Variants in ANKRD13A observed in about 807,000 individuals in gnomAD.
ANKRD13A encodes ankyrin repeat domain 13A, also known as ankyrin repeat domain-containing protein 13A.
Under a neutral mutation model 81.3 loss-of-function variants are expected in ANKRD13A, and 48 were observed. The observed-to-expected ratio is 0.59, with a 90% CI of 0.47 to 0.75. The LOEUF is 0.75. Ranked by LOEUF, ANKRD13A falls within the 30% of genes least tolerant of loss-of-function variation. The pLI is 0.00. For missense variants in ANKRD13A, 612 were observed against 734.0 expected, an observed-to-expected ratio of 0.83 and a Z score of 1.92; for synonymous variants, 230 against 270.1, an observed-to-expected ratio of 0.85 and a Z score of 1.45.
At position 110,033,859 on chromosome 12, in the gene ANKRD13A, G is replaced by C; in HGVS notation, c.1411G>C (p.Val471Leu). 6.2e-7 allele frequency: 1 copy of C among 1,613,214 alleles called. No individual in the cohort carries two copies. The part of the protein sequence containing the change: ...SVFEIPESYY[V>L]QDNGRNVHLQ... ...GTTTGAAATTCCCGAATCTTACTAT[G>C]TTCAAGACAATGGCAGAAATGTGCA... is the stretch of plus-strand genomic sequence containing the variant. Residue 471 changes from valine to leucine, a missense_variant, in exon 13 of 15, where the codon GTT (valine) becomes CTT (leucine). Coordinates refer to ENST00000261739, the MANE Select transcript of ANKRD13A (RefSeq NM_033121.2).
chr12:110,012,533 T>A (rs1890582120), intron 2 of ANKRD13A, among the ~76,000 whole-genome samples: 1 of 152,134 alleles, frequency 6.6e-6, no homozygotes, highest in Admixed American at 6.5e-5. Context: ...CCAGAAACCC[T>A]CGGTAGAGAA....
intron 1 of ANKRD13A, among the ~76,000 whole-genome samples, chr12:110,003,492 C>T (rs975691035): frequency 1.3e-5 from 2 of 152,204 alleles, no homozygotes; most frequent in African/African-American, 2.4e-5. Flanking sequence ...ACTGACTCAG[C>T]GTGGGGGCCA....
chr12:110,019,661 C>G (rs1890977436), intron 6 of ANKRD13A, among the ~76,000 whole-genome samples: 1 of 152,238 alleles, frequency 6.6e-6, no homozygotes, highest in African/African-American at 2.4e-5. Context: ...CCACAATACT[C>G]AGTCCCAGAC....
intron 1 of ANKRD13A, among the ~76,000 whole-genome samples, chr12:110,010,744 A>G (rs1338784057): frequency 6.6e-6 from 1 of 152,202 alleles, no homozygotes; most frequent in African/African-American, 2.4e-5. Context: ...TTCACTGTAT[A>G]ATAGCCATGA....
intron 7 of ANKRD13A, among the ~76,000 whole-genome samples, chr12:110,025,221 T>C (rs995171063): frequency 6.6e-6 from 1 of 152,156 alleles, no homozygotes; most frequent in Non-Finnish European, 1.5e-5. Flanking sequence ...CCAGTCATAG[T>C]AGCACATGCC....
upstream of ANKRD13A, chr12:109,999,223 A>T (rs1889805400): frequency 6.5e-6 from 1 of 153,396 alleles, no homozygotes. The surrounding 1 kb of genome is among the most constrained non-coding windows in gnomAD (Gnocchi z 4.3). Flanking sequence ...AGCTGGGGAC[A>T]GGTAGACGGA....
At chr12:110,027,852 A>G (rs1329802889) in intron 9 of ANKRD13A, 86 bp downstream of exon 9, 30 of 1,367,544 alleles carry the variant, frequency 2.2e-5, no homozygotes, top group Non-Finnish European at 3.0e-5. Context: ...TGGATCCTGA[A>G]CAGCCCACTC....
chr12:110,019,178 A>G lies in ANKRD13A; in HGVS notation c.584A>G (p.Lys195Arg), dbSNP rs1378566899. 2.2e-5 allele frequency: 36 copies of G among 1,609,226 alleles called. No homozygotes were observed. Among genetic ancestry groups the G allele is most frequent in the Non-Finnish European group, 3.1e-5 (36 of 1,177,190 alleles). ...TTAATGGAAGTCAACCATGATGACA[A>G]AGTGGTCACCACCGAACGCTTCGAC... ...AELMEVNHDD[K>R]VVTTERFDLS... The change falls in exon 6 of 15, where the codon AAA (lysine) becomes AGA (arginine). Residue 195 changes from lysine to arginine, a missense_variant. Lys to Arg is a conservative substitution (Grantham distance 26). Transcript: ENST00000261739.
intron 1 of ANKRD13A, among the ~76,000 whole-genome samples, chr12:110,011,669 T>G (rs139503139): frequency 6.6e-6 from 1 of 152,222 alleles, no homozygotes; most frequent in East Asian, 1.9e-4. Context: ...TGTCCGGTGA[T>G]TGCATTTCAT....
At chr12:110,028,405 C>A in intron 9 of ANKRD13A, 107 bp from the exon 10 acceptor site, 1 of 1,357,532 alleles carries the variant, frequency 7.4e-7, no homozygotes, top group Non-Finnish European at 1.0e-6. Context: ...ATAGAACTTC[C>A]CGGTCTTTAG....
intron 14 of ANKRD13A, among the ~76,000 whole-genome samples, chr12:110,037,010 G>A (rs951733254): frequency 6.6e-6 from 1 of 152,156 alleles, no homozygotes; most frequent in Non-Finnish European, 1.5e-5. Flanking sequence ...AAGTTTGGAG[G>A]AACAGCTCCA....
Position 110,033,826 on chromosome 12 carries a change from C to T in ANKRD13A, c.1378C>T (p.Gln460Ter), listed in dbSNP as rs751544802. ...CCACATCACAAACTTTGAGGTTGAT[C>T]AATCTGTGTTTGAAATTCCCGAATC... ...ASHITNFEVD[Q>*]SVFEIPESYY... The change falls in exon 13 of 15, where the codon CAA becomes TAA. Residue 460 changes from glutamine to a stop codon, truncating the protein, a stop_gained. Transcript: ENST00000261739. LOFTEE classifies it high-confidence loss of function. 1.2e-6 allele frequency: 2 copies of T among 1,607,372 alleles called. No individual in the cohort carries two copies. The highest frequency in any genetic ancestry group is 1.7e-6 in the Non-Finnish European group (2 of 1,176,814).
intron 2 of ANKRD13A, among the ~76,000 whole-genome samples, 176 bp from the exon 3 acceptor site, chr12:110,012,949 A>G (rs1310269287): frequency 2.0e-5 from 3 of 152,118 alleles, no homozygotes; most frequent in Admixed American, 1.3e-4. Context: ...AGGGTACTCT[A>G]TGTTTTTTAC....
At position 110,018,506 on chromosome 12, in the gene ANKRD13A, T is replaced by C. The variant is rs1309801130; in HGVS notation, c.544+18T>C. On this transcript the variant is annotated intron_variant, in intron 5 of 14. Coordinates refer to ENST00000261739, the MANE Select transcript of ANKRD13A (RefSeq NM_033121.2). The surrounding 1 kb of genome is among the most constrained non-coding windows in gnomAD (Gnocchi z 4.4). ...GGGAGAAGGTGAGTGACTTCTCTTG[T>C]AGTAATCACTGCTCAAGCAAAATTA... The C allele has an allele frequency of 2.5e-6, 4 of 1,609,172 alleles. No homozygotes were observed. Among genetic ancestry groups the C allele is most frequent in the Non-Finnish European group, 3.4e-6 (4 of 1,176,498 alleles).
intron 6 of ANKRD13A, chr12:110,023,830 TG>T: frequency 2.1e-6 from 1 of 472,862 alleles, no homozygotes. Flanking sequence ...TTTCTATGCC[TG>T]GGGTGAGGCA....
chr12:110,013,054 A>G lies in ANKRD13A; in HGVS notation c.230-71A>G, dbSNP rs1259645995. ...AAGAAAATACTGGTCTTTGATCTAG[A>G]TACTTTTTCAGCCTGGTTTTGGAAT... On this transcript the variant is annotated intron_variant, in intron 2 of 14. Transcript: ENST00000261739. The G allele has an allele frequency of 2.6e-6, 4 of 1,560,870 alleles. No homozygotes were observed. The East Asian group carries it at 6.8e-5, about 26-fold the overall frequency.
intron 1 of ANKRD13A, among the ~76,000 whole-genome samples, chr12:110,011,257 G>A (rs1347720361): frequency 2.0e-5 from 3 of 152,206 alleles, no homozygotes; most frequent in Non-Finnish European, 2.9e-5. Flanking sequence ...CTGGACACGC[G>A]GTGCAGGTGC....
intron 1 of ANKRD13A, among the ~76,000 whole-genome samples, chr12:110,005,335 A>G (rs1420328286): frequency 1.3e-5 from 2 of 152,054 alleles, no homozygotes; most frequent in Non-Finnish European, 2.9e-5. Flanking sequence ...TGTAGAGAAA[A>G]TGTGTCCCTA....
chr12:110,030,787 G>A (rs1383238582), intron 12 of ANKRD13A, 29 bp downstream of exon 12: 1 of 1,463,712 alleles, frequency 6.8e-7, no homozygotes, highest in Non-Finnish European at 9.2e-7. Flanking sequence ...ACAAAGTTTA[G>A]TTTTGTTATT....
Sources: gnomAD v4.1 joint callset for allele counts (sites outside exome capture counted in the v4.1 genomes callset) on GRCh38, gnomAD v4.1.1 for gene constraint, Gnocchi (gnomAD v3.1) non-coding constraint, MANE v1.5 for transcripts, NCBI Gene and HGNC (gene_info 2026-07-23, HGNC 2026-07-21) for gene names.